The following PTPRM variants were observed in gnomAD, a reference collection of about 807,000 sequenced individuals.
PTPRM encodes the protein receptor-type tyrosine-protein phosphatase mu.
In PTPRM, 47 loss-of-function variants were observed where a neutral mutation model predicts 186.7. That is an observed-to-expected ratio of 0.25 (90% CI 0.20 to 0.32). The LOEUF (loss-of-function observed/expected upper bound fraction) is 0.32. PTPRM is among the 10% of genes least tolerant of loss of function. The pLI is 1.00. For synonymous variants in PTPRM, 668 were observed against 674.9 expected (o/e 0.99, Z 0.16); for missense variants, 1,494 against 1,865.0 (o/e 0.80, Z 3.66).
intron 1 of PTPRM, chr18:7,755,358 A>G (rs534055366): frequency 2.6e-5 from 4 of 152,310 alleles, no homozygotes; most frequent in African/African-American, 9.6e-5. Context: ...GATCTCTTCA[A>G]TCAGCATGTT....
chr18:8,015,409 A>T (rs939637078), intron 7 of PTPRM, among the ~76,000 whole-genome samples: 3 of 152,206 alleles, frequency 2.0e-5, no homozygotes, highest in Non-Finnish European at 4.4e-5. Context: ...TTTCAAATTA[A>T]GTGAAGTCTT....
At chr18:7,717,621 G>T (rs551873806) in intron 1 of PTPRM, among the ~76,000 whole-genome samples, 7 of 152,338 alleles carry the variant, frequency 4.6e-5, no homozygotes, top group African/African-American at 1.7e-4. Flanking sequence ...CATGCGAAAA[G>T]GCAAAGGGCC....
chr18:7,639,138 G>A (rs940831698), intron 1 of PTPRM, among the ~76,000 whole-genome samples: 20 of 152,044 alleles, frequency 1.3e-4, no homozygotes, highest in Non-Finnish European at 1.5e-5. Context: ...GCAGTGGGGC[G>A]ATCTCCACTC....
chr18:8,392,143 G>A (rs1297619376), intron 31 of PTPRM, among the ~76,000 whole-genome samples: 1 of 152,090 alleles, frequency 6.6e-6, no homozygotes, highest in Admixed American at 6.6e-5. Context: ...CCAATCTGTG[G>A]ACTTTGCCTA....
At chr18:8,071,950 T>C (rs1164642010) in intron 8 of PTPRM, among the ~76,000 whole-genome samples, 2 of 152,202 alleles carry the variant, frequency 1.3e-5, no homozygotes, top group African/African-American at 4.8e-5. Flanking sequence ...AAGAAATTTA[T>C]GTGGAGAGCT....
intron 19 of PTPRM, among the ~76,000 whole-genome samples, chr18:8,284,601 T>A (rs2094936679): frequency 6.6e-6 from 1 of 151,824 alleles, no homozygotes; most frequent in African/African-American, 2.4e-5. Context: ...AAAAAAAAAA[T>A]TAGCTAGGTA....
rs1386557847 is a variant in PTPRM, at chr18:7,657,224, T to A, written c.73+89333T>A. The stretch of plus-strand genomic sequence containing the variant: ...AAGGCCAGGACGCTCTGTGTGCTGC[T>A]ATTTCTGGATCTGCCATTGACAGCA... On this transcript the variant is annotated intron_variant, in intron 1 of 32. Coordinates refer to ENST00000580170, the MANE Select transcript of PTPRM (RefSeq NM_001105244.2). Among the ~76,000 whole-genome samples the A allele has an allele frequency of 2.0e-5, 3 of 152,204 alleles. 1 individual carries two copies. Among genetic ancestry groups the A allele is most frequent in the Non-Finnish European group, 4.4e-5 (3 of 68,036 alleles).
chr18:8,302,965 A>T (rs1362960490), intron 20 of PTPRM, among the ~76,000 whole-genome samples: 1 of 152,142 alleles, frequency 6.6e-6, no homozygotes, highest in Non-Finnish European at 1.5e-5. Context: ...ACAGTTCTGT[A>T]GACTGCTGTG....
intron 14 of PTPRM, among the ~76,000 whole-genome samples, chr18:8,179,794 G>A (rs1283108930): frequency 6.6e-6 from 1 of 152,002 alleles, no homozygotes; most frequent in East Asian, 1.9e-4. Flanking sequence ...TAAACAACCA[G>A]TCATTTTACT....
At chr18:8,094,035 T>G (rs564713834) in intron 11 of PTPRM, among the ~76,000 whole-genome samples, 1 of 152,322 alleles carries the variant, frequency 6.6e-6, no homozygotes, top group African/African-American at 2.4e-5. Context: ...AATTTGTTCT[T>G]TTAATCAGAA....
rs142604237 is a variant in PTPRM at position 7,842,489 on chromosome 18, C to T, written c.197-45617C>T. 4.3e-3 allele frequency among the ~76,000 whole-genome samples: 659 copies of T among 152,046 alleles called. 4 individuals are homozygous for T. The highest frequency in any genetic ancestry group is 0.013 in the African/African-American group (533 of 41,430). On this transcript the variant is annotated intron_variant, in intron 2 of 32. Coordinates refer to ENST00000580170, the MANE Select transcript of PTPRM (RefSeq NM_001105244.2). The stretch of plus-strand genomic sequence containing the variant: ...GGTCAAACAGAAGTCCAGACGTTGC[C>T]GTGAAGATATTTTTAGATGAGATTA...
chr18:8,352,970 C>T (rs538558201), intron 23 of PTPRM, among the ~76,000 whole-genome samples: 40 of 152,054 alleles, frequency 2.6e-4, no homozygotes, highest in Non-Finnish European at 5.0e-4. Flanking sequence ...CCACCCGGCC[C>T]GATTTCGTTT....
intron 4 of PTPRM, among the ~76,000 whole-genome samples, chr18:7,914,866 A>T (rs1356928040): frequency 6.6e-6 from 1 of 152,154 alleles, no homozygotes; most frequent in Non-Finnish European, 1.5e-5. Context: ...ATAGAGAGAA[A>T]TATTAACTAT....
At chr18:7,658,004 C>T (rs140531207) in intron 1 of PTPRM, among the ~76,000 whole-genome samples, 33 of 152,296 alleles carry the variant, frequency 2.2e-4, no homozygotes, top group African/African-American at 7.2e-4. Flanking sequence ...TACCACCCCT[C>T]ACCTCACATA....
intron 20 of PTPRM, among the ~76,000 whole-genome samples, chr18:8,306,116 C>G (rs756297474): frequency 6.6e-6 from 1 of 152,060 alleles, no homozygotes; most frequent in Non-Finnish European, 1.5e-5. Context: ...AGGCTGGTCT[C>G]GAACTCCCGA....
intron 1 of PTPRM, among the ~76,000 whole-genome samples, chr18:7,694,668 C>A (rs1568034259): frequency 1.3e-5 from 2 of 152,166 alleles, no homozygotes; most frequent in South Asian, 4.2e-4. Flanking sequence ...CTTAGGCGAT[C>A]CACACACCTC....
At chr18:7,772,333 TTTTCTTTCTTTCTTTCTCTTTCTTTC>T (rs1328309877) in intron 1 of PTPRM, among the ~76,000 whole-genome samples, 127 of 145,534 alleles carry the variant, frequency 8.7e-4, no homozygotes, top group African/African-American at 1.6e-3. Flanking sequence ...TCGTTCTTTC[TTTTCTTTCTTTCTTTCTCTTTCTTTC>T]TTTCTTTCTT....
At chr18:8,010,044 A>G (rs1364990115) in intron 7 of PTPRM, among the ~76,000 whole-genome samples, 1 of 152,214 alleles carries the variant, frequency 6.6e-6, no homozygotes, top group Admixed American at 6.5e-5. Flanking sequence ...GGTATTTCTT[A>G]TATGTAAGTA....
In PTPRM at chr18:8,185,174, AAGAT is replaced by A. The variant is rs1445484438; in HGVS notation, c.2300+41398_2300+41401del. 2.0e-5 allele frequency among the ~76,000 whole-genome samples: 3 copies of A among 152,226 alleles called. No individual in the cohort carries two copies. In the East Asian group the frequency reaches 5.8e-4, roughly 29 times the overall value. On this transcript the variant is annotated intron_variant, in intron 14 of 32. Transcript: ENST00000580170. ...TAATTGTTAAAAAAAATAAAAAAAAAAGATAGTTTCTATCCTTCTATCCATGCCA... is the reference window on the plus strand; with the variant it reads ...TAATTGTTAAAAAAAATAAAAAAAAAAGTTTCTATCCTTCTATCCATGCCA...
Sources: gnomAD v4.1 joint callset for allele counts (sites outside exome capture counted in the v4.1 genomes callset) on GRCh38, gnomAD v4.1.1 for gene constraint, MANE v1.5 for transcripts, NCBI Gene and HGNC (gene_info 2026-07-23, HGNC 2026-07-21) for gene names.